Variants in BICRAL observed in about 807,000 individuals in gnomAD.
BICRAL encodes BRD4-interacting chromatin-remodeling complex-associated protein-like.
In BICRAL, 8 loss-of-function variants were observed where a neutral mutation model predicts 91.8. The ratio of observed to expected loss-of-function variants is 0.09; its 90% confidence interval spans 0.05 to 0.16. BICRAL has a LOEUF of 0.16. BICRAL is among the 10% of genes least tolerant of loss of function. The pLI is 1.00. For synonymous variants in BICRAL, 445 were observed against 491.1 expected, an observed-to-expected ratio of 0.91 and a Z score of 1.24; for missense variants, 1,038 against 1,310.9, an observed-to-expected ratio of 0.79 and a Z score of 3.21.
In BICRAL at chr6:42,867,206, A is replaced by G. The variant is rs1765735367; in HGVS notation, c.*1760A>G. The G allele has an allele frequency of 4.8e-6, 1 of 209,636 alleles. No individual in the cohort carries two copies. Among genetic ancestry groups the G allele is most frequent in the African/African-American group, 2.3e-5 (1 of 43,496 alleles). The allele number at this position is 209,636 out of a possible 1,614,324, so 13.0% of individuals were successfully genotyped here. A position where few individuals can be genotyped will look rare whatever the true frequency, so the allele number is the denominator to read the frequency against. On this transcript the variant is annotated 3_prime_UTR_variant, in exon 13 of 13. Coordinates refer to ENST00000314073, the MANE Select transcript of BICRAL (RefSeq NM_001393499.1). ...AGGCTTCTAATTAGAAAACACAGCA[A>G]CAGAAGACCTATACCCCGGTGCCCC...
At chr6:42,759,090 A>G (rs899875887) in intron 1 of BICRAL, among the ~76,000 whole-genome samples, 6 of 152,202 alleles carry the variant, frequency 3.9e-5, no homozygotes, top group African/African-American at 1.4e-4. Flanking sequence ...GGGCCTTGGC[A>G]TCAGTATTTC....
chr6:42,818,169 A>G (rs1764049193), intron 2 of BICRAL, among the ~76,000 whole-genome samples: 1 of 152,116 alleles, frequency 6.6e-6, no homozygotes, highest in African/African-American at 2.4e-5. Context: ...AGAATCCTTC[A>G]TCCAACTTTT....
intron 1 of BICRAL, among the ~76,000 whole-genome samples, chr6:42,750,514 T>C (rs1014772390): frequency 1.3e-4 from 20 of 152,248 alleles, no homozygotes; most frequent in Admixed American, 7.2e-4. Context: ...CAAAAAAGCA[T>C]AGAAAATATT....
intron 1 of BICRAL, among the ~76,000 whole-genome samples, chr6:42,760,960 T>C (rs1037797348): frequency 2.0e-5 from 3 of 151,464 alleles, no homozygotes; most frequent in African/African-American, 7.3e-5. Flanking sequence ...AGGTGGAGGT[T>C]GCAGTCAGCC....
intron 1 of BICRAL, among the ~76,000 whole-genome samples, chr6:42,808,655 A>G (rs1763777568): frequency 6.6e-6 from 1 of 152,098 alleles, no homozygotes; most frequent in South Asian, 2.1e-4. Flanking sequence ...GTAAGAATTG[A>G]GCTACTCAGC....
At position 42,845,201 on chromosome 6, in the gene BICRAL, T is replaced by TG. The variant is rs1317233961; in HGVS notation, c.1840-6891_1840-6890insG. Among the ~76,000 whole-genome samples the TG allele has an allele frequency of 2.6e-4, 4 of 15,182 alleles. No individual in the cohort carries two copies. The East Asian group carries it at 5.8e-3, about 22-fold the overall frequency. 10.0% of individuals were successfully genotyped at this position (15,182 alleles called of 152,430 possible). A position where few individuals can be genotyped will look rare whatever the true frequency, so the allele number is the denominator to read the frequency against. ...TGTTTTTTGTTTTTTGGGTGTTTTT[T>TG]TTTTTTTTTTTTTTTTTTTTTTTTT... On this transcript the variant is annotated intron_variant, in intron 6 of 12. Transcript: ENST00000314073.
intron 2 of BICRAL, among the ~76,000 whole-genome samples, chr6:42,817,148 A>ATGTGTG (rs35347910): frequency 1.3e-5 from 2 of 148,304 alleles, no homozygotes; most frequent in Non-Finnish European, 3.0e-5. Flanking sequence ...CATCATTTAT[A>ATGTGTG]TGTGTGTGTG....
intron 1 of BICRAL, among the ~76,000 whole-genome samples, chr6:42,809,034 T>C (rs1043951145): frequency 6.6e-6 from 1 of 152,116 alleles, no homozygotes; most frequent in African/African-American, 2.4e-5. Flanking sequence ...GATTGCTTAG[T>C]ATGTTAGGCT....
At chr6:42,863,799 G>T (rs149711797) in intron 12 of BICRAL, among the ~76,000 whole-genome samples, 15 of 152,272 alleles carry the variant, frequency 9.9e-5, no homozygotes, top group Non-Finnish European at 1.8e-4. Flanking sequence ...AGGCCAAGGC[G>T]GGTGGATCAC....
intron 6 of BICRAL, among the ~76,000 whole-genome samples, chr6:42,845,149 T>C (rs1489368620): frequency 6.7e-6 from 1 of 148,196 alleles, no homozygotes; most frequent in African/African-American, 2.5e-5. Flanking sequence ...AGATAAAGAC[T>C]GTTTGGTATC....
chr6:42,788,873 A>G (rs1396133947), intron 1 of BICRAL, among the ~76,000 whole-genome samples: 2 of 151,968 alleles, frequency 1.3e-5, no homozygotes, highest in Admixed American at 6.6e-5. Flanking sequence ...GAAACCAGTC[A>G]GCTGAGTTAG....
At chr6:42,795,006 TACTGATCTCTCC>T (rs1763382269) in intron 1 of BICRAL, among the ~76,000 whole-genome samples, 1 of 151,976 alleles carries the variant, frequency 6.6e-6, no homozygotes, top group African/African-American at 2.4e-5. Context: ...AGAGTCTATT[TACTGATCTCTCC>T]ACCAATACTC....
In BICRAL at chr6:42,865,532, A is replaced by G; in HGVS notation, c.*86A>G. On this transcript the variant is annotated 3_prime_UTR_variant, in exon 13 of 13. Transcript: ENST00000314073. ...AGTTACATTCGTTCCTGGCAAAAGC[A>G]AATGGAAATGGTCTCCTGTCTCCAG... 1.5e-6 allele frequency: 1 copy of G among 671,698 alleles called. No homozygotes were observed. 41.6% of individuals were successfully genotyped at this position (671,698 alleles called of 1,614,324 possible).
chr6:42,857,814 T>TTA (rs1554283233), intron 10 of BICRAL, among the ~76,000 whole-genome samples: 2 of 125,908 alleles, frequency 1.6e-5, no homozygotes, highest in African/African-American at 6.7e-5. Context: ...TTTTTTTTTT[T>TTA]TTTTTTTTTT....
chr6:42,758,819 C>A (rs947018917), intron 1 of BICRAL, among the ~76,000 whole-genome samples: 4 of 151,992 alleles, frequency 2.6e-5, no homozygotes, highest in African/African-American at 9.7e-5. Flanking sequence ...TATGGAGTAC[C>A]CACTATGTTC....
At chr6:42,839,126 G>A (rs1180771341) in intron 6 of BICRAL, among the ~76,000 whole-genome samples, 1 of 151,976 alleles carries the variant, frequency 6.6e-6, no homozygotes, top group Non-Finnish European at 1.5e-5. Flanking sequence ...CTTGAACTTG[G>A]GAGGCGGAGG....
Position 42,844,508 on chromosome 6 carries a change from CAAAAAAAAAAAAAAAAAAAAAAAA to C in BICRAL, c.1840-7570_1840-7547del, listed in dbSNP as rs34115804. Among the ~76,000 whole-genome samples, 55 of 31,462 alleles carry C rather than the reference CAAAAAAAAAAAAAAAAAAAAAAAA, an allele frequency of 1.7e-3. 2 individuals are homozygous for C. Among genetic ancestry groups the C allele is most frequent in the African/African-American group, 2.5e-3 (35 of 14,210 alleles). The allele number at this position is 31,462 out of a possible 152,430, so 20.6% of individuals were successfully genotyped here. ...TGGGCTACAGAGCAAGACTCCATCTCAAAAAAAAAAAAAAAAAAAAAAAAAAAAAAAAAAAAAGAGGGTGTTGCA... is the reference window on the plus strand; with the variant it reads ...TGGGCTACAGAGCAAGACTCCATCTCAAAAAAAAAAAAAGAGGGTGTTGCA... On this transcript the variant is annotated intron_variant, in intron 6 of 12. Coordinates refer to ENST00000314073, the MANE Select transcript of BICRAL (RefSeq NM_001393499.1).
At chr6:42,772,657 TC>T (rs1176381235) in intron 1 of BICRAL, among the ~76,000 whole-genome samples, 1 of 152,078 alleles carries the variant, frequency 6.6e-6, no homozygotes, top group East Asian at 1.9e-4. Context: ...GCAATAAACA[TC>T]CCTGGGCAGT....
intron 1 of BICRAL, among the ~76,000 whole-genome samples, chr6:42,776,092 G>C (rs1026862562): frequency 1.3e-5 from 2 of 152,080 alleles, no homozygotes; most frequent in Non-Finnish European, 2.9e-5. Flanking sequence ...TGCAATCTCA[G>C]CTCACTGCAA....
Sources: gnomAD v4.1 joint callset for allele counts (sites outside exome capture counted in the v4.1 genomes callset) on GRCh38, gnomAD v4.1.1 for gene constraint, MANE v1.5 for transcripts, NCBI Gene and HGNC (gene_info 2026-07-23, HGNC 2026-07-21) for gene names.